Variants in KLHL29 observed in about 807,000 individuals in gnomAD.
The protein encoded by KLHL29 is kelch-like protein 29.
In KLHL29, 21 loss-of-function variants were observed where a neutral mutation model predicts 80.4. That is an observed-to-expected ratio of 0.26 (90% CI 0.19 to 0.38). The LOEUF (loss-of-function observed/expected upper bound fraction) is 0.38. Among genes scored for constraint, KLHL29 ranks in the 10% least tolerant of loss-of-function variants. The pLI is 1.00. For missense variants in KLHL29, 867 were observed against 1,223.9 expected (o/e 0.71, Z 4.35); for synonymous variants, 511 against 526.8 (o/e 0.97, Z 0.41).
intron 13 of KLHL29, 35 bp downstream of exon 13, chr2:23,703,898 CG>C (rs1423414797): frequency 6.6e-7 from 1 of 1,521,524 alleles, no homozygotes; most frequent in East Asian, 2.5e-5. Context: ...AGGGCTGGGA[CG>C]GAGGAGTGGG....
At chr2:23,549,096 G>A (rs72793575) in intron 2 of KLHL29, among the ~76,000 whole-genome samples, 9,966 of 152,252 alleles carry the variant, frequency 0.065, 390 homozygotes, top group Non-Finnish European at 0.094. Flanking sequence ...CAGCGTCCCC[G>A]CCTTGGGCCC....
chr2:23,493,679 A>G (rs1206672004), intron 2 of KLHL29, among the ~76,000 whole-genome samples: 3 of 151,574 alleles, frequency 2.0e-5, no homozygotes, highest in African/African-American at 4.8e-5. Flanking sequence ...GTGCATGTGT[A>G]TGTGTGTGTG....
chr2:23,630,688 A>G (rs1057268142), intron 3 of KLHL29, among the ~76,000 whole-genome samples: 43 of 152,038 alleles, frequency 2.8e-4, no homozygotes, highest in Non-Finnish European at 1.0e-4. Flanking sequence ...GGGTTTCACC[A>G]TGTTGGCCAG....
chr2:23,430,295 A>G (rs938901222), intron 1 of KLHL29, among the ~76,000 whole-genome samples: 1 of 152,162 alleles, frequency 6.6e-6, no homozygotes, highest in Non-Finnish European at 1.5e-5. Context: ...GTTGAGAACA[A>G]TTGTACTAGT....
chr2:23,588,221 G>A (rs1303886488), intron 3 of KLHL29, among the ~76,000 whole-genome samples: 2 of 152,276 alleles, frequency 1.3e-5, no homozygotes, highest in African/African-American at 4.8e-5. Context: ...GCATGAAGCT[G>A]AACATCGAGT....
intron 5 of KLHL29, among the ~76,000 whole-genome samples, chr2:23,665,043 T>G (rs1670515938): frequency 6.6e-6 from 1 of 152,248 alleles, no homozygotes; most frequent in Admixed American, 6.5e-5. Flanking sequence ...CTCACGTGCC[T>G]GGGTGGTGAC....
At chr2:23,614,880 A>G (rs1427896592) in intron 3 of KLHL29, among the ~76,000 whole-genome samples, 6 of 152,208 alleles carry the variant, frequency 3.9e-5, no homozygotes, top group Admixed American at 3.9e-4. Flanking sequence ...TGTGGGCTGT[A>G]AGCCCCCAAG....
chr2:23,549,687 C>G (rs1667073105), intron 2 of KLHL29, among the ~76,000 whole-genome samples: 1 of 152,230 alleles, frequency 6.6e-6, no homozygotes, highest in African/African-American at 2.4e-5. Context: ...AAAAACGCCC[C>G]TTCCTTGGGG....
At chr2:23,534,011 T>C (rs1381196011) in intron 2 of KLHL29, among the ~76,000 whole-genome samples, 1 of 152,026 alleles carries the variant, frequency 6.6e-6, no homozygotes, top group Non-Finnish European at 1.5e-5. Context: ...ATAGTCCTCC[T>C]GATATTTTAA....
At chr2:23,581,841 A>AAAAAAC (rs1667991815) in intron 3 of KLHL29, among the ~76,000 whole-genome samples, 1 of 151,714 alleles carries the variant, frequency 6.6e-6, no homozygotes. Context: ...AAAAAAAAAA[A>AAAAAAC]AAAAACTTTT....
intron 3 of KLHL29, chr2:23,618,022 C>G (rs1297585742): frequency 1.3e-5 from 2 of 152,242 alleles, no homozygotes; most frequent in East Asian, 3.9e-4. Context: ...CGTGTTATTT[C>G]TTTTATTTGC....
At position 23,423,180 on chromosome 2, in the gene KLHL29, G is replaced by A. The variant is rs553322817; in HGVS notation, c.-154+37400G>A. Among the ~76,000 whole-genome samples, 11 of 152,308 alleles carry A rather than the reference G, an allele frequency of 7.2e-5. 1 individual carries two copies. Among genetic ancestry groups the A allele is most frequent in the Admixed American group, 5.2e-4 (8 of 15,306 alleles). On this transcript the variant is annotated intron_variant, in intron 1 of 13. Transcript: ENST00000486442. Reference sequence around the variant, plus strand: ...CACAGGAAGTGTTTTTCACTCATCCGCTTACTGTTCTTTTTTCCCTGCGAA... The same window carrying A: ...CACAGGAAGTGTTTTTCACTCATCCACTTACTGTTCTTTTTTCCCTGCGAA...
At chr2:23,505,034 G>A (rs767021690) in intron 2 of KLHL29, among the ~76,000 whole-genome samples, 32 of 152,178 alleles carry the variant, frequency 2.1e-4, no homozygotes, top group Admixed American at 5.2e-4. Flanking sequence ...TCACCTTCCC[G>A]CTGGGAACAA....
chr2:23,673,074 G>T (rs958955325), intron 5 of KLHL29, among the ~76,000 whole-genome samples: 1 of 152,170 alleles, frequency 6.6e-6, no homozygotes, highest in East Asian at 1.9e-4. Context: ...TGGTTTGCTT[G>T]TTTCACTGTC....
chr2:23,437,921 A>C (rs1205523698), intron 1 of KLHL29, among the ~76,000 whole-genome samples: 1 of 152,032 alleles, frequency 6.6e-6, no homozygotes, highest in Non-Finnish European at 1.5e-5. Context: ...TTTTCGCAAT[A>C]TTGATTCTTC....
intron 1 of KLHL29, among the ~76,000 whole-genome samples, chr2:23,454,732 C>T (rs969649555): frequency 6.6e-6 from 1 of 151,946 alleles, no homozygotes; most frequent in Non-Finnish European, 1.5e-5. Flanking sequence ...TTTGCTATTC[C>T]TCTGTTCTTG....
intron 2 of KLHL29, among the ~76,000 whole-genome samples, chr2:23,495,210 A>G (rs943609998): frequency 7.2e-5 from 11 of 152,108 alleles, no homozygotes; most frequent in Non-Finnish European, 1.5e-4. Context: ...TTTAAGGGAA[A>G]TGGTAAAAGA....
chr2:23,466,038 G>T (rs1317605240), intron 1 of KLHL29, among the ~76,000 whole-genome samples: 2 of 152,032 alleles, frequency 1.3e-5, no homozygotes, highest in Non-Finnish European at 2.9e-5. Flanking sequence ...ACGTCGAGCA[G>T]GGTAAAGGAT....
At chr2:23,399,953 C>T (rs968968552) in intron 1 of KLHL29, among the ~76,000 whole-genome samples, 1 of 152,208 alleles carries the variant, frequency 6.6e-6, no homozygotes, top group Non-Finnish European at 1.5e-5. Flanking sequence ...TGCATCCATT[C>T]TCCTGTGGGT....
Sources: allele counts gnomAD v4.1 joint callset (sites outside exome capture counted in the v4.1 genomes callset), GRCh38; gene constraint gnomAD v4.1.1; transcripts MANE v1.5; gene names NCBI Gene and HGNC (gene_info 2026-07-23, HGNC 2026-07-21).